The following DNMT1 variants were observed in gnomAD, a reference collection of about 807,000 sequenced individuals.
The protein encoded by DNMT1 is DNA (cytosine-5)-methyltransferase 1.
In DNMT1, 24 loss-of-function variants were observed where a neutral mutation model predicts 205.3. The ratio of observed to expected loss-of-function variants is 0.12; its 90% CI spans 0.08 to 0.16. The LOEUF (loss-of-function observed/expected upper bound fraction) is 0.16. Ranked by LOEUF, DNMT1 falls within the 10% of genes least tolerant of loss-of-function variation. DNMT1 has a pLI of 1.00. For missense variants in DNMT1, 1,293 were observed against 2,177.7 expected (o/e 0.59, Z 8.09); for synonymous variants, 817 against 839.8 (o/e 0.97, Z 0.47).
chr19:10,181,829 A>T (rs550583882), intron 2 of DNMT1, among the ~76,000 whole-genome samples: 9 of 152,076 alleles, frequency 5.9e-5, no homozygotes, highest in Non-Finnish European at 1.2e-4. Flanking sequence ...ACTCTGTCTC[A>T]AAAAACAAAA....
intron 30 of DNMT1, chr19:10,141,820 C>T (rs2089605818): frequency 1.7e-6 from 1 of 599,088 alleles, no homozygotes; most frequent in Admixed American, 3.0e-5. Flanking sequence ...AACTCCGGGA[C>T]CACTTGAATC....
intron 11 of DNMT1, among the ~76,000 whole-genome samples, chr19:10,165,410 T>C (rs1231935928): frequency 6.6e-6 from 1 of 152,180 alleles, no homozygotes; most frequent in Non-Finnish European, 1.5e-5. Flanking sequence ...ATTATTTTTT[T>C]GAGACAGAGT....
intron 9 of DNMT1, 35 bp downstream of exon 9, chr19:10,173,055 G>A: frequency 6.2e-7 from 1 of 1,612,474 alleles, no homozygotes; most frequent in Non-Finnish European, 8.5e-7. Context: ...AGGATTAAGG[G>A]AGAATTAACA....
chr19:10,133,719 G>A lies in DNMT1; in HGVS notation c.4865-18C>T. On this transcript the variant is annotated intron_variant, in intron 40 of 40. Transcript: ENST00000359526. The surrounding 1 kb of genome is among the most constrained non-coding windows in gnomAD (Gnocchi z 4.1). The stretch of plus-strand genomic sequence containing the variant: ...TATTTTAGCTGAAGGGAAATAAAAG[G>A]AAAAGTCACTCTGGGGAACACGCCC... 1 of 1,582,812 alleles carries A rather than the reference G, an allele frequency of 6.3e-7. No individual in the cohort carries two copies. The highest frequency in any genetic ancestry group is 1.2e-5 in the South Asian group (1 of 86,666).
At position 10,137,158 on chromosome 19, in the gene DNMT1, C is replaced by G. The variant is rs758616927; in HGVS notation, c.4416G>C (p.Arg1472=). The G allele has an allele frequency of 6.2e-7, 1 of 1,609,964 alleles. No homozygotes were observed. Among genetic ancestry groups the G allele is most frequent in the Admixed American group, 1.7e-5 (1 of 59,456 alleles). The change falls in exon 37 of 41, where the codon CGG becomes CGC. Residue 1472 remains arginine, a synonymous_variant. Coordinates refer to ENST00000359526, the MANE Select transcript of DNMT1 (RefSeq NM_001130823.3). The surrounding 1 kb of genome is among the most constrained non-coding windows in gnomAD (Gnocchi z 6.4). ...CGTTCTTCCTGTCATGGTGGGTATACCGCAGCTTCCTGGCCATGGTGCCGT... is the reference window on the plus strand; with the variant it reads ...CGTTCTTCCTGTCATGGTGGGTATAGCGCAGCTTCCTGGCCATGGTGCCGT... The part of the protein sequence containing the change: ...LSDGTMARKL[R]YTHHDRKNGR...
At chr19:10,136,310 G>A in intron 37 of DNMT1, 23 bp from the exon 38 acceptor site, 1 of 1,613,082 alleles carries the variant, frequency 6.2e-7, no homozygotes, top group African/African-American at 1.3e-5. Flanking sequence ...ACAGTGATGA[G>A]GCTGCAGTTG....
intron 30 of DNMT1, 66 bp downstream of exon 30, chr19:10,141,962 C>T (rs1279031942): frequency 1.0e-5 from 16 of 1,583,192 alleles, no homozygotes; most frequent in East Asian, 6.8e-5. Flanking sequence ...GTGTATAACC[C>T]GACATCAGAC....
In DNMT1 at chr19:10,156,305, C is replaced by G; in HGVS notation, c.1399+86G>C. The G allele has an allele frequency of 6.3e-6, 7 of 1,115,438 alleles. No homozygotes were observed. The highest frequency in any genetic ancestry group is 9.5e-6 in the Non-Finnish European group (7 of 734,674). 69.1% of individuals were successfully genotyped at this position (1,115,438 alleles called of 1,614,324 possible). A position where few individuals can be genotyped will look rare whatever the true frequency, so the allele number is the denominator to read the frequency against. ...CAAGTGATCCTCTGGCCTCAGACCC[C>G]CAAAGTGCTAGGATTACAGATGTGA... On this transcript the variant is annotated intron_variant, in intron 18 of 40. Transcript: ENST00000359526. The surrounding 1 kb of genome is among the most constrained non-coding windows in gnomAD (Gnocchi z 4.2).
chr19:10,150,749 C>T (rs1232644658), intron 24 of DNMT1, among the ~76,000 whole-genome samples: 1 of 152,144 alleles, frequency 6.6e-6, no homozygotes, highest in African/African-American at 2.4e-5. Context: ...GTTGGTGCCC[C>T]AAAAAGACCC....
intron 2 of DNMT1, among the ~76,000 whole-genome samples, chr19:10,181,806 G>T (rs1178605538): frequency 6.6e-6 from 1 of 151,974 alleles, no homozygotes; most frequent in Non-Finnish European, 1.5e-5. Context: ...TCTAGCCTGG[G>T]TGACAGAGTG....
rs753501157 is a variant in DNMT1 at position 10,151,872 on chromosome 19, A to T, written c.2020-25T>A. On this transcript the variant is annotated intron_variant, in intron 22 of 40. Coordinates refer to ENST00000359526, the MANE Select transcript of DNMT1 (RefSeq NM_001130823.3). The surrounding 1 kb of genome is among the most constrained non-coding windows in gnomAD (Gnocchi z 5.0). ...CCTAAAAAATGGCATTAAAAAGGCA[A>T]ATCAGGGCTGGGCACAGTGGTTCAT... The T allele has an allele frequency of 1.9e-6, 3 of 1,610,116 alleles. No homozygotes were observed. The highest frequency in any genetic ancestry group is 2.5e-6 in the Non-Finnish European group (3 of 1,176,598).
intron 11 of DNMT1, 96 bp from the exon 12 acceptor site, chr19:10,163,456 G>A (rs1013979671): frequency 7.7e-7 from 1 of 1,306,090 alleles, no homozygotes; most frequent in Non-Finnish European, 1.1e-6. Context: ...GAAGTTACAG[G>A]TTAGGGATCC....
At chr19:10,139,576 G>A in intron 34 of DNMT1, 100 bp downstream of exon 34, 1 of 1,530,438 alleles carries the variant, frequency 6.5e-7, no homozygotes, top group Non-Finnish European at 8.8e-7. Flanking sequence ...TGGATGGCAG[G>A]CCTATGCCAT....
rs2039018789 is a variant in DNMT1 at position 10,180,224 on chromosome 19, G to T, written c.456C>A (p.Asp152Glu). 8.8e-7 allele frequency: 1 copy of T among 1,142,690 alleles called. No homozygotes were observed. The highest frequency in any genetic ancestry group is 1.3e-6 in the Non-Finnish European group (1 of 788,448). The allele number at this position is 1,142,690 out of a possible 1,614,324, so 70.8% of individuals were successfully genotyped here. A position where few individuals can be genotyped will look rare whatever the true frequency, so the allele number is the denominator to read the frequency against. The change falls in exon 5 of 41, where the codon GAC becomes GAA. Residue 152 changes from aspartate (D) to glutamate (E), a missense_variant. By Grantham distance (45) the Asp-to-Glu change is conservative. Coordinates refer to ENST00000359526, the MANE Select transcript of DNMT1 (RefSeq NM_001130823.3). ...TTACTTGGGAGGCTGAGGCAGGAGG[G>T]TCTCTTGAACCTGGGAGGCAGAGGT... ...KSDGEAKRSR[D>E]PPASASQVTG... is the part of the protein sequence containing the mutation.
At position 10,159,129 on chromosome 19, in the gene DNMT1, G is replaced by A. The variant is rs2038515502; in HGVS notation, c.1280+529C>T. On this transcript the variant is annotated intron_variant, in intron 17 of 40. Transcript: ENST00000359526. The surrounding 1 kb of genome is among the most constrained non-coding windows in gnomAD (Gnocchi z 5.0). Reference sequence around the variant, plus strand: ...CATCTGAGCGTGTGACCCTCAGGATGTGGGCAGAATGGAGGGGTAATATGT... The same window carrying A: ...CATCTGAGCGTGTGACCCTCAGGATATGGGCAGAATGGAGGGGTAATATGT... 2.0e-5 allele frequency among the ~76,000 whole-genome samples: 3 copies of A among 152,156 alleles called. No homozygotes were observed. The highest frequency in any genetic ancestry group is 6.6e-5 in the Admixed American group (1 of 15,252).
chr19:10,145,989 C>T (rs1335877867), intron 28 of DNMT1, among the ~76,000 whole-genome samples: 1 of 152,024 alleles, frequency 6.6e-6, no homozygotes, highest in African/African-American at 2.4e-5. Context: ...CCACCACACC[C>T]GGCTAATTTT....
At chr19:10,162,620 GAAAAAAAAA>G (rs573823039) in intron 13 of DNMT1, 38 bp downstream of exon 13, 1 of 1,316,418 alleles carries the variant, frequency 7.6e-7, no homozygotes, top group Non-Finnish European at 1.0e-6. Flanking sequence ...CCGTCTTGGG[GAAAAAAAAA>G]AAAAAAAAAA....
In DNMT1 at chr19:10,144,237, G is replaced by A. The variant is rs560171514; in HGVS notation, c.2895-250C>T. ...ACCCTGGCCAACACGGTAAAACCCT[G>A]TCTCTACTAAAAATACAAAAATTAG... On this transcript the variant is annotated intron_variant, in intron 28 of 40. Transcript: ENST00000359526. The A allele has an allele frequency of 5.0e-4, 234 of 466,378 alleles. 1 individual carries two copies. Among genetic ancestry groups the A allele is most frequent in the Middle Eastern group, 2.0e-3 (3 of 1,512 alleles). The allele number at this position is 466,378 out of a possible 1,614,324, so 28.9% of individuals were successfully genotyped here.
intron 33 of DNMT1, 47 bp from the exon 34 acceptor site, chr19:10,139,864 G>C: frequency 6.4e-7 from 1 of 1,559,228 alleles, no homozygotes; most frequent in Non-Finnish European, 8.7e-7. Context: ...ACAGACAGAG[G>C]GAAGAAACGA....
Sources: gnomAD v4.1 joint callset for allele counts (sites outside exome capture counted in the v4.1 genomes callset) on GRCh38, gnomAD v4.1.1 for gene constraint, Gnocchi (gnomAD v3.1) non-coding constraint, MANE v1.5 for transcripts, NCBI Gene and HGNC (gene_info 2026-07-23, HGNC 2026-07-21) for gene names.